Variants in MC5R observed in about 807,000 individuals in gnomAD.
MC5R encodes the protein melanocortin receptor 5.
For synonymous variants in MC5R, 167 were observed against 164.4 expected, an observed-to-expected ratio of 1.02 and a Z score of -0.12; for missense variants, 420 against 431.4, an observed-to-expected ratio of 0.97 and a Z score of 0.23.
At chr18:13,824,807 GTT>G (rs112161505) in intron 1 of MC5R, among the ~76,000 whole-genome samples, 19 of 149,172 alleles carry the variant, frequency 1.3e-4, no homozygotes, top group African/African-American at 4.2e-4. Context: ...TTAAATTGCT[GTT>G]TTTTTTTTTA....
intron 1 of MC5R, 22 bp from the exon 2 acceptor site, chr18:13,825,689 AACCTCTTTGGATTGTG>A: frequency 7.5e-7 from 1 of 1,337,688 alleles, no homozygotes. Flanking sequence ...GTAGGCTGCT[AACCTCTTTGGATTGTG>A]AATTTAAAAC....
At position 13,827,111 on chromosome 18, in the gene MC5R, G is replaced by A. The variant is rs1220341624; in HGVS notation, c.*368G>A. 3 of 187,384 alleles carry A rather than the reference G, an allele frequency of 1.6e-5. No individual in the cohort carries two copies. The highest frequency in any genetic ancestry group is 5.6e-5 in the Admixed American group (1 of 17,804). 11.6% of individuals were successfully genotyped at this position (187,384 alleles called of 1,614,324 possible). On this transcript the variant is annotated 3_prime_UTR_variant, in exon 2 of 2. Coordinates refer to ENST00000589410, the MANE Select transcript of MC5R (RefSeq NM_005913.3). The stretch of plus-strand genomic sequence containing the variant: ...CACGTATTGTGACGCGAAGAAAACC[G>A]TGATATCGACGCCAGGTGGGATTGC...
rs763032191 is a variant in MC5R at position 13,826,210 on chromosome 18, C to T, written c.445C>T (p.Arg149Cys). The T allele has an allele frequency of 9.9e-6, 16 of 1,614,154 alleles. 1 individual carries two copies. Among genetic ancestry groups the T allele is most frequent in the South Asian group, 6.6e-5 (6 of 91,082 alleles). The change falls in exon 2 of 2, where the codon CGC becomes TGC. Residue 149 changes from arginine (R) to cysteine (C), a missense_variant. Physicochemically the swap from Arg to Cys is radical, Grantham distance 180. Transcript: ENST00000589410. ...GTACGTCACCATCTTCTACGCCCTG[C>T]GCTACCACCACATCATGACGGCGAG... ...DRYVTIFYALRYHHIMTARRS... is the reference protein window; with the variant it reads ...DRYVTIFYALCYHHIMTARRS...
At position 13,826,498 on chromosome 18, in the gene MC5R, G is replaced by A. The variant is rs145959981; in HGVS notation, c.733G>A (p.Gly245Ser). 3.1e-4 allele frequency: 506 copies of A among 1,613,652 alleles called. No homozygotes were observed. The highest frequency in any genetic ancestry group is 9.9e-4 in the Middle Eastern group (6 of 6,062). ...CGCGGTCACCGTCACCATGCTGCTG[G>A]GCGTGTTTACCGTGTGCTGGGCCCC... ...QGAVTVTMLL[G>S]VFTVCWAPFF... The change falls in exon 2 of 2, where the codon GGC (glycine) becomes AGC (serine). Residue 245 changes from glycine to serine, a missense_variant. Transcript: ENST00000589410.
chr18:13,826,341 C>T lies in MC5R; in HGVS notation c.576C>T (p.Ser192=), dbSNP rs1598444320. Residue 192 remains serine, a synonymous_variant, in exon 2 of 2, where the codon TCC becomes TCT. Coordinates refer to ENST00000589410, the MANE Select transcript of MC5R (RefSeq NM_005913.3). ...CCTACGTCATCCTGTGCCTCATCTC[C>T]ATGTTCTTCGCTATGCTGTTCCTCC... ...ESTYVILCLI[S]MFFAMLFLLV... 1.2e-6 allele frequency: 2 copies of T among 1,614,178 alleles called. No individual in the cohort carries two copies. The highest frequency in any genetic ancestry group is 1.7e-6 in the Non-Finnish European group (2 of 1,180,044).
rs1033250111 is a variant in MC5R, at chr18:13,824,274, G to A, written c.-40G>A. The A allele has an allele frequency of 5.3e-5, 8 of 152,240 alleles. No homozygotes were observed. Among genetic ancestry groups the A allele is most frequent in the African/African-American group, 1.7e-4 (7 of 41,474 alleles). The allele number at this position is 152,240 out of a possible 1,614,324, so 9.4% of individuals were successfully genotyped here. On this transcript the variant is annotated splice_region_variant and 5_prime_UTR_variant, in exon 1 of 2. Transcript: ENST00000589410. ...GCCGCGGCCCGCGAGGAGGAGCACC[G>A]GTAAATAGCCACAACTTTCTATCTC...
Position 13,825,875 on chromosome 18 carries a change from G to A in MC5R, c.110G>A (p.Gly37Asp), listed in dbSNP as rs2044925577. The stretch of plus-strand genomic sequence containing the variant: ...AAGTCTTCACCATGTGAAGACATGG[G>A]CATTGCTGTGGAGGTGTTTCTCACT... ...KNKSSPCEDM[G>D]IAVEVFLTLG... The change falls in exon 2 of 2, where the codon GGC (glycine) becomes GAC (aspartate). Residue 37 changes from glycine to aspartate, a missense_variant. Physicochemically the swap from Gly to Asp is moderately conservative, Grantham distance 94 (BLOSUM62 -1). Coordinates refer to ENST00000589410, the MANE Select transcript of MC5R (RefSeq NM_005913.3). 1 of 1,614,142 alleles carries A rather than the reference G, an allele frequency of 6.2e-7. No individual in the cohort carries two copies. Among genetic ancestry groups the A allele is most frequent in the Non-Finnish European group, 8.5e-7 (1 of 1,180,016 alleles).
chr18:13,826,319 A>G lies in MC5R; in HGVS notation c.554A>G (p.Tyr185Cys). The change falls in exon 2 of 2, where the codon TAC becomes TGC. Residue 185 changes from tyrosine to cysteine, a missense_variant. Tyr to Cys is a radical substitution (Grantham distance 194, BLOSUM62 -2). Transcript: ENST00000589410. ...IVFILYSEST[Y>C]VILCLISMFF... ...TTCATCCTGTACTCAGAATCCACCT[A>G]CGTCATCCTGTGCCTCATCTCCATG... 1.2e-6 allele frequency: 2 copies of G among 1,614,036 alleles called. No individual in the cohort carries two copies. Among genetic ancestry groups the G allele is most frequent in the Non-Finnish European group, 8.5e-7 (1 of 1,180,006 alleles).
Position 13,826,196 on chromosome 18 carries a change from T to A in MC5R, c.431T>A (p.Ile144Asn), listed in dbSNP as rs776373231. Residue 144 changes from isoleucine (I) to asparagine (N), a missense_variant, in exon 2 of 2, where the codon ATC becomes AAC. By Grantham distance (149) the Ile-to-Asn change is moderately radical. Coordinates refer to ENST00000589410, the MANE Select transcript of MC5R (RefSeq NM_005913.3). ...ATTGCAGTGGATAGGTACGTCACCA[T>A]CTTCTACGCCCTGCGCTACCACCAC... ...LAIAVDRYVT[I>N]FYALRYHHIM... 6.2e-7 allele frequency: 1 copy of A among 1,614,118 alleles called. No homozygotes were observed. Among genetic ancestry groups the A allele is most frequent in the East Asian group, 2.2e-5 (1 of 44,876 alleles).
chr18:13,825,912 C>T lies in MC5R; in HGVS notation c.147C>T (p.Ile49=). ...AGGTGTTTCTCACTCTGGGTGTCAT[C>T]AGCCTCTTGGAGAACATCTTGGTCA... The part of the protein sequence containing the change: ...AVEVFLTLGV[I]SLLENILVIG... The change falls in exon 2 of 2, where the codon ATC becomes ATT. Residue 49 remains isoleucine, a synonymous_variant. Transcript: ENST00000589410. The T allele has an allele frequency of 6.2e-7, 1 of 1,614,136 alleles. No individual in the cohort carries two copies. The highest frequency in any genetic ancestry group is 8.5e-7 in the Non-Finnish European group (1 of 1,180,018).
chr18:13,825,564 T>TAAAAA (rs11454837), intron 1 of MC5R, 163 bp from the exon 2 acceptor site: 45 of 334,548 alleles, frequency 1.3e-4, no homozygotes, highest in African/African-American at 8.6e-4. Flanking sequence ...CCCTGTCTCT[T>TAAAAA]AAAAAAAAAA....
Position 13,826,177 on chromosome 18 carries a change from G to C in MC5R, c.412G>C (p.Val138Leu), listed in dbSNP as rs372320394. 19 of 1,614,040 alleles carry C rather than the reference G, an allele frequency of 1.2e-5. No homozygotes were observed. The highest frequency in any genetic ancestry group is 1.6e-4 in the Middle Eastern group (1 of 6,084). ...ASMCSLLAIA[V>L]DRYVTIFYAL... ...CATGTGCAGCTTACTGGCCATTGCA[G>C]TGGATAGGTACGTCACCATCTTCTA... The change falls in exon 2 of 2, where the codon GTG (valine) becomes CTG (leucine). Residue 138 changes from valine to leucine, a missense_variant. Transcript: ENST00000589410.
rs1425684442 is a variant in MC5R at position 13,826,658 on chromosome 18, G to T, written c.893G>T (p.Arg298Leu). 6.2e-7 allele frequency: 1 copy of T among 1,613,860 alleles called. No homozygotes were observed. The highest frequency in any genetic ancestry group is 8.5e-7 in the Non-Finnish European group (1 of 1,180,004). The change falls in exon 2 of 2, where the codon CGC (arginine) becomes CTC (leucine). Residue 298 changes from arginine (R) to leucine (L), a missense_variant. Arg to Leu is a moderately radical substitution (Grantham distance 102, BLOSUM62 -2). Coordinates refer to ENST00000589410, the MANE Select transcript of MC5R (RefSeq NM_005913.3). ...SVMDPLIYAF[R>L]SQEMRKTFKE... Reference sequence around the variant, plus strand: ...ATGGACCCTCTCATATATGCCTTCCGCAGCCAAGAGATGCGGAAGACCTTT... The same window carrying T: ...ATGGACCCTCTCATATATGCCTTCCTCAGCCAAGAGATGCGGAAGACCTTT...
chr18:13,825,313 C>T (rs976941870), intron 1 of MC5R, among the ~76,000 whole-genome samples: 1 of 152,104 alleles, frequency 6.6e-6, no homozygotes, highest in African/African-American at 2.4e-5. Context: ...AGGTGAGTGT[C>T]TCTCTAGTAA....
At position 13,825,717 on chromosome 18, in the gene MC5R, T is replaced by A. The variant is rs749762841; in HGVS notation, c.-39-10T>A. On this transcript the variant is annotated splice_polypyrimidine_tract_variant and intron_variant, in intron 1 of 1. Coordinates refer to ENST00000589410, the MANE Select transcript of MC5R (RefSeq NM_005913.3). Reference sequence around the variant, plus strand: ...CTCTTTGGATTGTGAATTTAAAACATGTTTTACAGTAAATTTGCTGCCAAG... The same window carrying A: ...CTCTTTGGATTGTGAATTTAAAACAAGTTTTACAGTAAATTTGCTGCCAAG... 2.0e-6 allele frequency: 3 copies of A among 1,499,946 alleles called. No individual in the cohort carries two copies. In the South Asian group the frequency reaches 4.0e-5, roughly 20 times the overall value. 92.9% of individuals were successfully genotyped at this position (1,499,946 alleles called of 1,614,324 possible).
Position 13,824,648 on chromosome 18 carries a change from C to T in MC5R, c.-40+374C>T, listed in dbSNP as rs112898176. 9.3e-3 allele frequency among the ~76,000 whole-genome samples: 1,406 copies of T among 151,956 alleles called. 28 individuals carry two copies. The highest frequency in any genetic ancestry group is 0.03 in the African/African-American group (1,242 of 41,398). On this transcript the variant is annotated intron_variant, in intron 1 of 1. Transcript: ENST00000589410. ...ATTAAGTAATTTGTTGTCCCTCACCCCCTCCCTCCCTCCCAAAGTGATTAC... is the reference window on the plus strand; with the variant it reads ...ATTAAGTAATTTGTTGTCCCTCACCTCCTCCCTCCCTCCCAAAGTGATTAC...
rs1173302580 is a variant in MC5R, at chr18:13,827,145, C to T, written c.*402C>T. ...ACGCCAGGTGGGATTGCTTCTTCTC[C>T]CCAGAAGCAGGTCCACACTCTGCTG... On this transcript the variant is annotated 3_prime_UTR_variant, in exon 2 of 2. Coordinates refer to ENST00000589410, the MANE Select transcript of MC5R (RefSeq NM_005913.3). 5.8e-6 allele frequency: 1 copy of T among 172,562 alleles called. No homozygotes were observed. Among genetic ancestry groups the T allele is most frequent in the East Asian group, 1.7e-4 (1 of 5,816 alleles). The allele number at this position is 172,562 out of a possible 1,614,324, so 10.7% of individuals were successfully genotyped here.
At chr18:13,825,571 A>AAC in intron 1 of MC5R, 156 bp from the exon 2 acceptor site, 1 of 479,552 alleles carries the variant, frequency 2.1e-6, no homozygotes, top group East Asian at 3.6e-5. Context: ...TCTTAAAAAA[A>AAC]AAAAAAAAAA....
At chr18:13,824,577 CTG>C (rs1351617992) in intron 1 of MC5R, among the ~76,000 whole-genome samples, 4 of 152,078 alleles carry the variant, frequency 2.6e-5, no homozygotes, top group African/African-American at 9.7e-5. Flanking sequence ...GTGGTGGAGA[CTG>C]GGCTTTTAGT....
Sources: allele counts gnomAD v4.1 joint callset (sites outside exome capture counted in the v4.1 genomes callset), GRCh38; gene constraint gnomAD v4.1.1; transcripts MANE v1.5; gene names NCBI Gene and HGNC (gene_info 2026-07-23, HGNC 2026-07-21).